Variants in CCDC3 observed in about 807,000 individuals in gnomAD.
CCDC3 encodes the protein coiled-coil domain-containing protein 3.
Under a neutral mutation model 21.4 loss-of-function variants are expected in CCDC3, and 24 were observed. That is an observed-to-expected ratio of 1.12 (90% CI 0.81 to 1.58). The LOEUF is 1.58. Among genes scored for constraint, CCDC3 ranks in the 40% most tolerant of loss-of-function variants. The pLI, the probability that CCDC3 is intolerant of heterozygous loss-of-function variation, is 0.00. For synonymous variants in CCDC3, 186 were observed against 166.0 expected, an observed-to-expected ratio of 1.12 and a Z score of -0.93; for missense variants, 425 against 360.9, an observed-to-expected ratio of 1.18 and a Z score of -1.44.
chr10:13,012,741 A>G (rs1385672563), intron 5 of CCDC3, among the ~76,000 whole-genome samples: 1 of 152,154 alleles, frequency 6.6e-6, no homozygotes, highest in Non-Finnish European at 1.5e-5. Flanking sequence ...ACCGCACTCC[A>G]GCCTGGGGGA....
At chr10:12,988,366 G>A (rs1436257622) in intron 2 of CCDC3, among the ~76,000 whole-genome samples, 6 of 150,860 alleles carry the variant, frequency 4.0e-5, no homozygotes, top group Non-Finnish European at 8.9e-5. Context: ...TTTTTTTTGA[G>A]ACAGAGTCTC....
At chr10:13,058,232 C>T (rs1035716680) in intron 4 of CCDC3, 8 of 1,328,592 alleles carry the variant, frequency 6.0e-6, no homozygotes, top group Non-Finnish European at 7.5e-6. Context: ...TCTGGCAAGG[C>T]CTGCATCCAA....
intron 3 of CCDC3, among the ~76,000 whole-genome samples, chr10:13,088,946 G>A (rs1837144780): frequency 6.6e-6 from 1 of 151,628 alleles, no homozygotes. Flanking sequence ...AGAGGCAAAG[G>A]TTGTAGTGAG....
intron 4 of CCDC3, among the ~76,000 whole-genome samples, chr10:13,068,098 G>A (rs566705637): frequency 5.1e-4 from 78 of 152,224 alleles, no homozygotes; most frequent in African/African-American, 1.8e-3. Flanking sequence ...CACTAACCCC[G>A]TTTTGGGAAG....
At chr10:12,998,597 G>A (rs761126847) in intron 1 of CCDC3, 85 bp from the exon 2 acceptor site, 63 of 1,282,692 alleles carry the variant, frequency 4.9e-5, no homozygotes, top group South Asian at 3.3e-4. Context: ...CAACTGCAAC[G>A]GGCTTGCCAA....
At chr10:13,022,331 T>C (rs1224088693) in intron 5 of CCDC3, among the ~76,000 whole-genome samples, 2 of 152,124 alleles carry the variant, frequency 1.3e-5, no homozygotes, top group Admixed American at 6.5e-5. Flanking sequence ...TTTTTCTCTG[T>C]CTTGCTCCCT....
At chr10:13,058,334 A>C in intron 4 of CCDC3, 1 of 1,259,762 alleles carries the variant, frequency 7.9e-7, no homozygotes, top group Non-Finnish European at 1.1e-6. Context: ...GATCTTGTCC[A>C]TGCCAAACCT....
intron 3 of CCDC3, among the ~76,000 whole-genome samples, chr10:13,083,071 A>G (rs935607303): frequency 6.6e-6 from 1 of 152,072 alleles, no homozygotes; most frequent in East Asian, 1.9e-4. Context: ...TCCAACGACA[A>G]GGGGAAAATT....
chr10:12,931,933 A>G (rs1391632555), intron 2 of CCDC3, among the ~76,000 whole-genome samples: 1 of 152,214 alleles, frequency 6.6e-6, no homozygotes, highest in Non-Finnish European at 1.5e-5. Flanking sequence ...TTATATATAA[A>G]AAACAGTTTT....
At chr10:12,932,824 G>A (rs1251015) in intron 2 of CCDC3, among the ~76,000 whole-genome samples, 99,741 of 152,000 alleles carry the variant, frequency 0.66, 33,038 homozygotes, top group East Asian at 0.89. Context: ...TTATGAAGTT[G>A]AGACAGTTCC....
At chr10:12,973,664 A>C (rs559075260) in intron 2 of CCDC3, among the ~76,000 whole-genome samples, 141 of 152,240 alleles carry the variant, frequency 9.3e-4, no homozygotes, top group Middle Eastern at 3.4e-3. Context: ...CTTCTACTGG[A>C]CTTGGGCTTC....
At chr10:12,905,039 G>A (rs12570009) in intron 2 of CCDC3, among the ~76,000 whole-genome samples, 1 of 151,294 alleles carries the variant, frequency 6.6e-6, no homozygotes, top group African/African-American at 2.4e-5. Flanking sequence ...AAATAACCAC[G>A]TATAAAGACA....
At chr10:13,021,844 A>G (rs755483767) in intron 5 of CCDC3, among the ~76,000 whole-genome samples, 2 of 151,904 alleles carry the variant, frequency 1.3e-5, no homozygotes, top group African/African-American at 2.4e-5. Context: ...GTTCACTGCA[A>G]CCTCTCCCAG....
intron 5 of CCDC3, among the ~76,000 whole-genome samples, chr10:13,008,451 C>T (rs988402367): frequency 3.7e-4 from 56 of 152,116 alleles, no homozygotes; most frequent in African/African-American, 1.3e-3. Context: ...ATGTGGAAGG[C>T]ATGGCATGAG....
At chr10:12,943,016 T>C (rs1483486056) in intron 2 of CCDC3, among the ~76,000 whole-genome samples, 2 of 152,208 alleles carry the variant, frequency 1.3e-5, no homozygotes, top group Non-Finnish European at 1.5e-5. Context: ...TTTATGTTTA[T>C]TTCTCTCTGT....
intron 2 of CCDC3, among the ~76,000 whole-genome samples, chr10:12,948,521 C>A (rs1460850009): frequency 1.3e-5 from 2 of 151,862 alleles, no homozygotes; most frequent in Non-Finnish European, 2.9e-5. Flanking sequence ...AGCTCCAGAA[C>A]CCCGTGTGTT....
At chr10:12,995,493 C>T (rs1176571859) in intron 2 of CCDC3, among the ~76,000 whole-genome samples, 3 of 152,204 alleles carry the variant, frequency 2.0e-5, no homozygotes, top group African/African-American at 7.2e-5. Flanking sequence ...CCGCCGACCT[C>T]GGCCTCCCAA....
chr10:12,936,273 C>A (rs1834736477), intron 2 of CCDC3, among the ~76,000 whole-genome samples: 1 of 151,926 alleles, frequency 6.6e-6, no homozygotes, highest in Admixed American at 6.5e-5. Context: ...ATTTTTTTCT[C>A]CTCTATTCTT....
chr10:12,966,796 A>T (rs1449347995), intron 2 of CCDC3, among the ~76,000 whole-genome samples: 2 of 152,200 alleles, frequency 1.3e-5, no homozygotes, highest in Admixed American at 1.3e-4. Flanking sequence ...GGGCGCCTTC[A>T]AATTCCAACG....
Sources: gnomAD v4.1 joint callset for allele counts (sites outside exome capture counted in the v4.1 genomes callset) on GRCh38, gnomAD v4.1.1 for gene constraint, MANE v1.5 for transcripts, NCBI Gene and HGNC (gene_info 2026-07-23, HGNC 2026-07-21) for gene names.